The following BCAS3 variants were observed in gnomAD, a reference collection of about 807,000 sequenced individuals.
BCAS3 encodes BCAS4/BCAS3 fusion.
Under a neutral mutation model 116.1 loss-of-function variants are expected in BCAS3, and 53 were observed. The observed-to-expected ratio is 0.46, with a 90% CI of 0.37 to 0.57. BCAS3 has a LOEUF of 0.57. Ranked by LOEUF, BCAS3 falls within the 20% of genes least tolerant of loss-of-function variation. The pLI, the probability that BCAS3 is intolerant of heterozygous loss-of-function variation, is 0.00. For missense variants in BCAS3, 917 were observed against 1,165.4 expected (o/e 0.79, Z 3.10); for synonymous variants, 391 against 408.2 (o/e 0.96, Z 0.51).
At chr17:60,772,156 G>C (rs1321198242) in intron 6 of BCAS3, among the ~76,000 whole-genome samples, 1 of 152,180 alleles carries the variant, frequency 6.6e-6, no homozygotes, top group Non-Finnish European at 1.5e-5. Flanking sequence ...GGTTGAACTA[G>C]TTTATGCTTC....
intron 7 of BCAS3, among the ~76,000 whole-genome samples, chr17:60,832,587 AT>A (rs896196673): frequency 6.6e-6 from 1 of 151,526 alleles, no homozygotes. Flanking sequence ...CTGAGGTAGG[AT>A]TTTTTTTTGT....
chr17:61,299,462 A>AAAAAG (rs964195069), intron 22 of BCAS3, among the ~76,000 whole-genome samples: 3 of 144,502 alleles, frequency 2.1e-5, no homozygotes, highest in Non-Finnish European at 4.6e-5. Flanking sequence ...AAAAAAAAAA[A>AAAAAG]AAAAGAAAAG....
chr17:61,351,160 A>G (rs1249164992), intron 22 of BCAS3, among the ~76,000 whole-genome samples: 1 of 152,234 alleles, frequency 6.6e-6, no homozygotes, highest in Non-Finnish European at 1.5e-5. Context: ...TTGTCCTTAG[A>G]TATCTTTGAG....
chr17:61,245,830 T>C (rs2047896794), intron 22 of BCAS3, among the ~76,000 whole-genome samples: 1 of 152,172 alleles, frequency 6.6e-6, no homozygotes, highest in African/African-American at 2.4e-5. Context: ...GAGATTGTTG[T>C]TGAGTGGAGG....
At chr17:60,843,423 T>C (rs1021231270) in intron 7 of BCAS3, among the ~76,000 whole-genome samples, 2 of 152,070 alleles carry the variant, frequency 1.3e-5, no homozygotes, top group Non-Finnish European at 2.9e-5. Flanking sequence ...TTCACCATAT[T>C]GGTCAGGCTG....
intron 14 of BCAS3, among the ~76,000 whole-genome samples, chr17:60,974,987 T>G (rs1327024326): frequency 1.4e-5 from 2 of 138,334 alleles, no homozygotes; most frequent in African/African-American, 7.1e-5. Context: ...TTTTTGTTTT[T>G]TTTGCTTTTT....
Position 61,376,037 on chromosome 17 carries a change from A to G in BCAS3, c.2593+7543A>G, listed in dbSNP as rs1233317654. ...TTTCTGCATCCCACATATTTTTAAA[A>G]TCTGCAATTTAGAGAGAACTTTATC... is the stretch of plus-strand genomic sequence containing the variant. On this transcript the variant is annotated intron_variant, in intron 23 of 23. Coordinates refer to ENST00000407086, the MANE Select transcript of BCAS3 (RefSeq NM_017679.5). This position sits in a 1 kb window ranked among gnomAD's most constrained non-coding sequence, Gnocchi z 4.5. 1.3e-5 allele frequency among the ~76,000 whole-genome samples: 2 copies of G among 152,224 alleles called. No homozygotes were observed. The highest frequency in any genetic ancestry group is 2.9e-5 in the Non-Finnish European group (2 of 68,052).
In BCAS3 at chr17:61,278,053, G is replaced by GTTTT. The variant is rs769590481; in HGVS notation, c.2426-90271_2426-90270insTTTT. Among the ~76,000 whole-genome samples the GTTTT allele has an allele frequency of 2.9e-4, 44 of 152,208 alleles. No homozygotes were observed. The highest frequency in any genetic ancestry group is 1.2e-3 in the Admixed American group (19 of 15,282). On this transcript the variant is annotated intron_variant, in intron 22 of 23. Coordinates refer to ENST00000407086, the MANE Select transcript of BCAS3 (RefSeq NM_017679.5). The surrounding 1 kb of genome is among the most constrained non-coding windows in gnomAD (Gnocchi z 5.8). ...GGTTTGTTTTGTTTTGTTTTGTTTT[G>GTTTT]TTTGACGGAGTCACACTGTGTAGCC...
In BCAS3 at chr17:61,087,352, A is replaced by AC. The variant is rs1266701736; in HGVS notation, c.2425+2791dup. 2 of 348,776 alleles carry AC rather than the reference A, an allele frequency of 5.7e-6. No individual in the cohort carries two copies. The highest frequency in any genetic ancestry group is 8.1e-6 in the Non-Finnish European group (2 of 248,028). 21.6% of individuals were successfully genotyped at this position (348,776 alleles called of 1,614,324 possible). ...ATTCCTATGGCACATGTTACACCTAACCCTCTATTTTAGTGACAGCTCTTG... is the reference window on the plus strand; with the variant it reads ...ATTCCTATGGCACATGTTACACCTAACCCCTCTATTTTAGTGACAGCTCTTG... On this transcript the variant is annotated intron_variant, in intron 22 of 23. Coordinates refer to ENST00000407086, the MANE Select transcript of BCAS3 (RefSeq NM_017679.5). The surrounding 1 kb of genome is among the most constrained non-coding windows in gnomAD (Gnocchi z 4.6).
chr17:61,089,251 A>G (rs1210007800), intron 22 of BCAS3, among the ~76,000 whole-genome samples: 1 of 152,178 alleles, frequency 6.6e-6, no homozygotes. Context: ...GATTGATTTT[A>G]TAATGATCAT....
chr17:61,184,744 G>A (rs1276281748), intron 22 of BCAS3, among the ~76,000 whole-genome samples: 1 of 152,126 alleles, frequency 6.6e-6, no homozygotes, highest in Non-Finnish European at 1.5e-5. Flanking sequence ...GACAAATCAT[G>A]TTACCTCCCT....
At chr17:61,246,588 A>C (rs7213509) in intron 22 of BCAS3, among the ~76,000 whole-genome samples, 1 of 151,812 alleles carries the variant, frequency 6.6e-6, no homozygotes, top group African/African-American at 2.4e-5. Flanking sequence ...TGTTAGGTGT[A>C]GGCTAGGGGT....
At chr17:61,187,302 A>G (rs758670613) in intron 22 of BCAS3, among the ~76,000 whole-genome samples, 4 of 152,174 alleles carry the variant, frequency 2.6e-5, no homozygotes, top group African/African-American at 4.8e-5. Flanking sequence ...TGTTGCTGAC[A>G]TGTGTTCTCA....
intron 22 of BCAS3, among the ~76,000 whole-genome samples, chr17:61,272,999 G>C (rs985748268): frequency 6.6e-6 from 1 of 151,536 alleles, no homozygotes; most frequent in Non-Finnish European, 1.5e-5. Context: ...ATGTAGATCT[G>C]AGTTTCAATT....
At chr17:60,957,514 CG>C (rs1300810274) in intron 14 of BCAS3, among the ~76,000 whole-genome samples, 1 of 152,092 alleles carries the variant, frequency 6.6e-6, no homozygotes, top group African/African-American at 2.4e-5. Flanking sequence ...TCTGCAAAAA[CG>C]TCATTTTTAT....
At chr17:60,710,556 C>G (rs1383567325) in intron 5 of BCAS3, among the ~76,000 whole-genome samples, 1 of 151,522 alleles carries the variant, frequency 6.6e-6, no homozygotes, top group African/African-American at 2.4e-5. Flanking sequence ...CTCAGCCTCT[C>G]AAGTAGCTGG....
chr17:61,309,786 C>A lies in BCAS3; in HGVS notation c.2426-58541C>A, dbSNP rs1051866016. ...GGGTTGAGGAGGCAGTACAGGGTGA[C>A]AAGAGGGAGCCCGAGAGCCCCCCAT... On this transcript the variant is annotated intron_variant, in intron 22 of 23. Coordinates refer to ENST00000407086, the MANE Select transcript of BCAS3 (RefSeq NM_017679.5). This position sits in a 1 kb window ranked among gnomAD's most constrained non-coding sequence, Gnocchi z 4.6. 6.6e-6 allele frequency among the ~76,000 whole-genome samples: 1 copy of A among 152,034 alleles called. No homozygotes were observed. The highest frequency in any genetic ancestry group is 2.4e-5 in the African/African-American group (1 of 41,380).
intron 7 of BCAS3, among the ~76,000 whole-genome samples, chr17:60,838,849 G>C (rs1015644079): frequency 6.6e-6 from 1 of 152,062 alleles, no homozygotes; most frequent in Non-Finnish European, 1.5e-5. Context: ...ATGTTGCTCA[G>C]GCTGAAGTGC....
intron 22 of BCAS3, among the ~76,000 whole-genome samples, chr17:61,207,770 A>G (rs2081229132): frequency 6.6e-6 from 1 of 152,184 alleles, no homozygotes; most frequent in Admixed American, 6.5e-5. Flanking sequence ...CATGGCTCAA[A>G]GAAATATGCT....
Sources: gnomAD v4.1 joint callset for allele counts (sites outside exome capture counted in the v4.1 genomes callset) on GRCh38, gnomAD v4.1.1 for gene constraint, Gnocchi (gnomAD v3.1) non-coding constraint, MANE v1.5 for transcripts, NCBI Gene and HGNC (gene_info 2026-07-23, HGNC 2026-07-21) for gene names.